The following RIC8B variants were observed in gnomAD, a reference collection of about 807,000 sequenced individuals.
RIC8B encodes chaperone Ric-8B.
In RIC8B, 16 loss-of-function variants were observed where a neutral mutation model predicts 57.5. The ratio of observed to expected loss-of-function variants is 0.28; its 90% confidence interval spans 0.19 to 0.42. The LOEUF (loss-of-function observed/expected upper bound fraction) is 0.42. RIC8B is among the 10% of genes least tolerant of loss of function. The pLI, the probability that RIC8B is intolerant of heterozygous loss-of-function variation, is 1.00. For missense variants in RIC8B, 481 were observed against 677.0 expected (o/e 0.71, Z 3.21); for synonymous variants, 216 against 250.8 (o/e 0.86, Z 1.31).
intron 7 of RIC8B, 76 bp from the exon 8 acceptor site, chr12:106,860,192 C>G (rs1452255207): frequency 8.0e-7 from 1 of 1,253,646 alleles, no homozygotes; most frequent in Non-Finnish European, 1.1e-6. Context: ...CTTCAATCTT[C>G]TTGTGTTGGT....
chr12:106,888,979 T>G lies in RIC8B; in HGVS notation c.*2964T>G, dbSNP rs971563353. 1.1e-4 allele frequency: 17 copies of G among 152,138 alleles called. No individual in the cohort carries two copies. Among genetic ancestry groups the G allele is most frequent in the Admixed American group, 6.6e-4 (10 of 15,258 alleles). The allele number at this position is 152,138 out of a possible 1,614,324, so 9.4% of individuals were successfully genotyped here. A position where few individuals can be genotyped will look rare whatever the true frequency, so the allele number is the denominator to read the frequency against. On this transcript the variant is annotated 3_prime_UTR_variant, in exon 10 of 10. Transcript: ENST00000392837. ...CACAGAATGAGGCAGTACAAGTGAC[T>G]CTAAACACCCCCTTAGTGCCACATC...
At chr12:106,824,600 T>C (rs2046007578) in intron 3 of RIC8B, among the ~76,000 whole-genome samples, 1 of 152,046 alleles carries the variant, frequency 6.6e-6, no homozygotes, top group Non-Finnish European at 1.5e-5. Context: ...ATCGATGATA[T>C]ATTAAGAAGT....
chr12:106,841,644 G>A (rs191885335), intron 4 of RIC8B, among the ~76,000 whole-genome samples: 1 of 152,152 alleles, frequency 6.6e-6, no homozygotes, highest in East Asian at 1.9e-4. Context: ...TTTTAGATCT[G>A]CTTCTCTGTC....
chr12:106,865,934 CCAGATAGCTGTCA>C (rs1470391115), intron 8 of RIC8B, among the ~76,000 whole-genome samples: 1 of 152,204 alleles, frequency 6.6e-6, no homozygotes, highest in Non-Finnish European at 1.5e-5. Context: ...TGCCTGTCCT[CCAGATAGCTGTCA>C]TATCGCTCTC....
At chr12:106,805,037 A>T (rs139110765) in intron 2 of RIC8B, among the ~76,000 whole-genome samples, 2 of 152,332 alleles carry the variant, frequency 1.3e-5, no homozygotes, top group African/African-American at 4.8e-5. Context: ...TATTGTGACA[A>T]TAAGTAGTTG....
At chr12:106,811,170 T>TA (rs991883927) in intron 2 of RIC8B, among the ~76,000 whole-genome samples, 18 of 152,366 alleles carry the variant, frequency 1.2e-4, no homozygotes, top group Admixed American at 4.6e-4. Context: ...CTGCCACCCT[T>TA]ACACATCTTT....
At position 106,867,708 on chromosome 12, in the gene RIC8B, G is replaced by A. The variant is rs534510486; in HGVS notation, c.1452-3115G>A. The stretch of plus-strand genomic sequence containing the variant: ...GAGACTCTGGTTTGAAGTGGGGAGC[G>A]GGAGAAGAGACAGTGTTCATCTGCC... On this transcript the variant is annotated intron_variant, in intron 8 of 9. Transcript: ENST00000392837. The surrounding 1 kb of genome is among the most constrained non-coding windows in gnomAD (Gnocchi z 4.3). Among the ~76,000 whole-genome samples, 90 of 152,182 alleles carry A rather than the reference G, an allele frequency of 5.9e-4. No individual in the cohort carries two copies. Among genetic ancestry groups the A allele is most frequent in the African/African-American group, 2.0e-3 (85 of 41,532 alleles).
chr12:106,815,913 CACTTG>C (rs2045553946), intron 3 of RIC8B, among the ~76,000 whole-genome samples: 1 of 152,128 alleles, frequency 6.6e-6, no homozygotes, highest in Non-Finnish European at 1.5e-5. Flanking sequence ...TATTTTAAAC[CACTTG>C]ACTTATTTCT....
chr12:106,870,861 C>T lies in RIC8B; in HGVS notation c.1490C>T (p.Pro497Leu). 1.9e-6 allele frequency: 3 copies of T among 1,541,710 alleles called. No homozygotes were observed. The highest frequency in any genetic ancestry group is 2.6e-6 in the Non-Finnish European group (3 of 1,140,932). Reference protein sequence around the residue: ...LITGHLEEPMPNPIDEMTEEQ... With the variant: ...LITGHLEEPMLNPIDEMTEEQ... ...ACTGGTCATTTAGAGGAACCAATGCCAAACCCCATAGATGAAATGACAGAA... is the reference window on the plus strand; with the variant it reads ...ACTGGTCATTTAGAGGAACCAATGCTAAACCCCATAGATGAAATGACAGAA... The change falls in exon 9 of 10, where the codon CCA becomes CTA. Residue 497 changes from proline to leucine, a missense_variant. Pro to Leu is a moderately conservative substitution (Grantham distance 98, BLOSUM62 -3). This residue lies in a region of RIC8B where 43 missense variants were observed against 99.8 expected (regional missense o/e 0.43). Transcript: ENST00000392837.
chr12:106,880,412 A>G (rs1294607868), intron 9 of RIC8B, among the ~76,000 whole-genome samples: 4 of 152,148 alleles, frequency 2.6e-5, no homozygotes, highest in Non-Finnish European at 5.9e-5. Context: ...TTAGTATAGA[A>G]TATTGGGGAT....
intron 9 of RIC8B, 51 bp downstream of exon 9, chr12:106,870,993 C>CTT: frequency 6.6e-7 from 1 of 1,519,348 alleles, no homozygotes; most frequent in Non-Finnish European, 8.9e-7. Flanking sequence ...TGGTCTATTT[C>CTT]TTTGTCTCTC....
chr12:106,798,153 T>C, intron 2 of RIC8B: 3 of 579,064 alleles, frequency 5.2e-6, no homozygotes, highest in South Asian at 4.2e-5. Context: ...GTAGATCTTT[T>C]TGATGCCTCG....
At chr12:106,824,734 A>T (rs1033272007) in intron 3 of RIC8B, among the ~76,000 whole-genome samples, 4 of 151,830 alleles carry the variant, frequency 2.6e-5, no homozygotes, top group Admixed American at 2.0e-4. Context: ...TGTCTCTACT[A>T]AAAATACAAA....
intron 4 of RIC8B, among the ~76,000 whole-genome samples, chr12:106,827,860 A>C (rs954857409): frequency 6.6e-6 from 1 of 152,212 alleles, no homozygotes. Context: ...TTAAGAAGTC[A>C]GATATCACAA....
chr12:106,819,462 A>G (rs901007842), intron 3 of RIC8B, among the ~76,000 whole-genome samples: 1 of 152,206 alleles, frequency 6.6e-6, no homozygotes, highest in African/African-American at 2.4e-5. Flanking sequence ...GAAAATAAAG[A>G]ATATGGCTGG....
intron 4 of RIC8B, among the ~76,000 whole-genome samples, chr12:106,830,680 G>C (rs1428988811): frequency 1.3e-5 from 2 of 152,140 alleles, no homozygotes. Context: ...TGGTCTTAGA[G>C]GACTTCACAA....
At chr12:106,861,100 C>T (rs564817580) in intron 8 of RIC8B, among the ~76,000 whole-genome samples, 2 of 152,194 alleles carry the variant, frequency 1.3e-5, no homozygotes, top group South Asian at 2.1e-4. Flanking sequence ...CCATCCCACT[C>T]GTAACCCTCA....
chr12:106,795,106 G>A (rs1046148064), intron 2 of RIC8B, among the ~76,000 whole-genome samples: 10 of 151,986 alleles, frequency 6.6e-5, no homozygotes, highest in Non-Finnish European at 1.2e-4. Flanking sequence ...TGATAAATAA[G>A]GCTAATATAT....
intron 4 of RIC8B, among the ~76,000 whole-genome samples, chr12:106,831,111 TC>T (rs2046335452): frequency 6.6e-6 from 1 of 152,142 alleles, no homozygotes; most frequent in Non-Finnish European, 1.5e-5. Context: ...CATTTGTTCA[TC>T]ATTTCAACCT....
Sources: gnomAD v4.1 joint callset for allele counts (sites outside exome capture counted in the v4.1 genomes callset) on GRCh38, gnomAD v4.1.1 for gene constraint, gnomAD v4.1.1 regional missense constraint, Gnocchi (gnomAD v3.1) non-coding constraint, MANE v1.5 for transcripts, NCBI Gene and HGNC (gene_info 2026-07-23, HGNC 2026-07-21) for gene names.